The following STPG2 variants were observed in gnomAD, a reference collection of about 807,000 sequenced individuals.
The protein encoded by STPG2 is sperm-tail PG-rich repeat-containing protein 2.
STPG2 carries 56 observed loss-of-function variants against 54.2 expected under a neutral mutation model. The observed-to-expected ratio is 1.03, with a 90% CI of 0.83 to 1.29. The LOEUF (loss-of-function observed/expected upper bound fraction) is 1.29, where lower values mean the gene tolerates loss of function less well. Among genes scored for constraint, STPG2 ranks in the 50% most tolerant of loss-of-function variants. STPG2 has a pLI of 0.00. For synonymous variants in STPG2, 200 were observed against 181.8 expected (o/e 1.10, Z -0.81); for missense variants, 596 against 544.9 (o/e 1.09, Z -0.93).
chr4:97,673,481 C>A (rs1722754806), intron 10 of STPG2, among the ~76,000 whole-genome samples: 1 of 151,882 alleles, frequency 6.6e-6, no homozygotes, highest in Non-Finnish European at 1.5e-5. Context: ...TTTTAGTAAC[C>A]AATGTATAAG....
intron 7 of STPG2, among the ~76,000 whole-genome samples, chr4:97,958,254 G>A (rs1354587552): frequency 6.6e-6 from 1 of 151,914 alleles, no homozygotes; most frequent in Non-Finnish European, 1.5e-5. Context: ...ACATTGCAGT[G>A]AGCCAAGATT....
chr4:97,741,906 C>T (rs925568484), intron 9 of STPG2, among the ~76,000 whole-genome samples: 1 of 152,134 alleles, frequency 6.6e-6, no homozygotes, highest in Non-Finnish European at 1.5e-5. Flanking sequence ...TATAAAGACA[C>T]ATGCACACGT....
At chr4:97,710,128 T>G (rs998955809) in intron 10 of STPG2, among the ~76,000 whole-genome samples, 1 of 149,520 alleles carries the variant, frequency 6.7e-6, no homozygotes, top group African/African-American at 2.5e-5. Flanking sequence ...ACATTTTTTA[T>G]GAGTATACAC....
chr4:97,678,276 T>A (rs2148975997), intron 10 of STPG2, among the ~76,000 whole-genome samples: 1 of 152,262 alleles, frequency 6.6e-6, no homozygotes, highest in South Asian at 2.1e-4. Flanking sequence ...AATTAATAGA[T>A]GTACATTAAA....
intron 10 of STPG2, among the ~76,000 whole-genome samples, chr4:97,697,080 C>A (rs1224289962): frequency 6.6e-6 from 1 of 152,106 alleles, no homozygotes; most frequent in Non-Finnish European, 1.5e-5. Flanking sequence ...TGTCTGCATG[C>A]CACAGCCACA....
At chr4:97,577,796 C>G (rs1252170900) in intron 10 of STPG2, among the ~76,000 whole-genome samples, 1 of 152,118 alleles carries the variant, frequency 6.6e-6, no homozygotes, top group Non-Finnish European at 1.5e-5. Flanking sequence ...GGACAGATTT[C>G]TCTTAACACT....
intron 9 of STPG2, among the ~76,000 whole-genome samples, chr4:97,776,124 G>A (rs955324360): frequency 7.2e-5 from 11 of 152,016 alleles, no homozygotes; most frequent in African/African-American, 2.2e-4. Context: ...AATGCTGTTT[G>A]TATTTCAGTA....
chr4:98,053,337 A>C (rs758507062), intron 5 of STPG2, among the ~76,000 whole-genome samples: 56 of 152,190 alleles, frequency 3.7e-4, no homozygotes, highest in Non-Finnish European at 2.1e-4. Context: ...ATCCACTCTC[A>C]ACCCTTCATG....
chr4:97,672,943 G>T (rs1722743670), intron 10 of STPG2, among the ~76,000 whole-genome samples: 2 of 152,210 alleles, frequency 1.3e-5, no homozygotes, highest in African/African-American at 4.8e-5. Flanking sequence ...AACTTCCCCA[G>T]TTCCCTTTAC....
intron 6 of STPG2, among the ~76,000 whole-genome samples, chr4:97,974,782 T>C (rs954471888): frequency 1.3e-5 from 2 of 151,960 alleles, no homozygotes; most frequent in African/African-American, 4.8e-5. Context: ...CCTCTTTCTT[T>C]TGTAAATTGC....
rs1460444577 is a variant in STPG2, at chr4:98,143,065, G to C, written c.86C>G (p.Pro29Arg). Residue 29 changes from proline (P) to arginine (R), a missense_variant, in exon 1 of 11, where the codon CCT becomes CGT. Pro to Arg is a moderately radical substitution (Grantham distance 103). Coordinates refer to ENST00000295268, the MANE Select transcript of STPG2 (RefSeq NM_174952.3). The stretch of plus-strand genomic sequence containing the variant: ...ACCTGTCGCCTGCTGCTTCAGGAAA[G>C]GTACCTGGTAGGATCCAGGACCCAC... ...AHVGPGSYQV[P>R]FLKQQATGSN... is the part of the protein sequence containing the mutation. The C allele has an allele frequency of 2.5e-6, 4 of 1,613,208 alleles. No individual in the cohort carries two copies. The highest frequency in any genetic ancestry group is 1.7e-5 in the Admixed American group (1 of 59,964).
chr4:97,590,736 G>T (rs79160133), intron 10 of STPG2, among the ~76,000 whole-genome samples: 4,471 of 150,888 alleles, frequency 0.03, 99 homozygotes, highest in Non-Finnish European at 0.046. Flanking sequence ...AAAAATGCAG[G>T]TGTAAAAATT....
At chr4:97,913,692 A>T (rs1731767118) in intron 8 of STPG2, among the ~76,000 whole-genome samples, 1 of 152,168 alleles carries the variant, frequency 6.6e-6, no homozygotes, top group Non-Finnish European at 1.5e-5. Context: ...CTCATTCCTT[A>T]TAGGGGCTTC....
intron 9 of STPG2, among the ~76,000 whole-genome samples, chr4:97,828,677 G>A (rs1728342454): frequency 6.6e-6 from 1 of 152,112 alleles, no homozygotes; most frequent in Non-Finnish European, 1.5e-5. Context: ...AGCAGTCTGA[G>A]GTTGACCTGG....
chr4:97,621,479 G>A (rs72890852), intron 10 of STPG2, among the ~76,000 whole-genome samples: 2 of 151,906 alleles, frequency 1.3e-5, no homozygotes, highest in Non-Finnish European at 2.9e-5. Flanking sequence ...ATACAAGAAC[G>A]CTGAGACATT....
intron 10 of STPG2, among the ~76,000 whole-genome samples, chr4:97,671,391 C>T (rs532101011): frequency 2.0e-5 from 3 of 152,238 alleles, no homozygotes; most frequent in Non-Finnish European, 4.4e-5. Context: ...ATGTAGGCCT[C>T]GTATTTACCA....
chr4:97,949,358 T>C (rs1242665440), intron 7 of STPG2, among the ~76,000 whole-genome samples: 1 of 152,150 alleles, frequency 6.6e-6, no homozygotes, highest in Non-Finnish European at 1.5e-5. Flanking sequence ...TAGTTTGTGA[T>C]TTTTCTTATC....
chr4:97,687,594 C>A (rs1723238390), intron 10 of STPG2, among the ~76,000 whole-genome samples: 1 of 152,152 alleles, frequency 6.6e-6, no homozygotes, highest in South Asian at 2.1e-4. Context: ...TCAGCCTTGG[C>A]CTCCCAAAGT....
At chr4:98,078,238 T>A (rs531870754) in intron 5 of STPG2, among the ~76,000 whole-genome samples, 1 of 152,292 alleles carries the variant, frequency 6.6e-6, no homozygotes, top group Admixed American at 6.5e-5. Flanking sequence ...TTAAAGGAAA[T>A]CTGGTCCTTT....
Sources: gnomAD v4.1 joint callset for allele counts (sites outside exome capture counted in the v4.1 genomes callset) on GRCh38, gnomAD v4.1.1 for gene constraint, MANE v1.5 for transcripts, NCBI Gene and HGNC (gene_info 2026-07-23, HGNC 2026-07-21) for gene names.